The following DGKB variants were observed in gnomAD, a reference collection of about 807,000 sequenced individuals.
DGKB encodes the protein 90 kDa diacylglycerol kinase.
Under a neutral mutation model 114.3 loss-of-function variants are expected in DGKB, and 67 were observed. The observed-to-expected ratio is 0.59, with a 90% CI of 0.48 to 0.72. DGKB has a LOEUF of 0.72. Ranked by LOEUF, DGKB falls within the 30% of genes least tolerant of loss-of-function variation. The pLI, the probability that DGKB is intolerant of heterozygous loss-of-function variation, is 0.00. For synonymous variants in DGKB, 398 were observed against 323.1 expected, an observed-to-expected ratio of 1.23 and a Z score of -2.49; for missense variants, 907 against 975.2, an observed-to-expected ratio of 0.93 and a Z score of 0.93.
intron 23 of DGKB, among the ~76,000 whole-genome samples, chr7:14,320,146 G>C (rs1405592223): frequency 6.6e-6 from 1 of 152,112 alleles, no homozygotes; most frequent in Non-Finnish European, 1.5e-5. Context: ...GTCATAGGTG[G>C]GAGCTGAGGG....
chr7:14,320,574 TGTACATATATA>T (rs2128532506), intron 23 of DGKB, among the ~76,000 whole-genome samples: 1 of 151,918 alleles, frequency 6.6e-6, no homozygotes, highest in Admixed American at 6.6e-5. Flanking sequence ...TATATATATG[TGTACATATATA>T]GTACATATAT....
intron 23 of DGKB, among the ~76,000 whole-genome samples, chr7:14,325,629 G>GA (rs1808581237): frequency 6.6e-6 from 1 of 152,146 alleles, no homozygotes; most frequent in African/African-American, 2.4e-5. Context: ...AAAGCAATCA[G>GA]AACCTAATTC....
At chr7:14,312,696 T>G (rs1036348670) in intron 23 of DGKB, among the ~76,000 whole-genome samples, 39 of 152,208 alleles carry the variant, frequency 2.6e-4, no homozygotes, top group African/African-American at 9.4e-4. Flanking sequence ...TCAAAGGTAC[T>G]GATGGTAAAA....
chr7:14,225,905 A>C (rs1363202940), intron 23 of DGKB, among the ~76,000 whole-genome samples: 1 of 151,990 alleles, frequency 6.6e-6, no homozygotes, highest in Non-Finnish European at 1.5e-5. Flanking sequence ...ATTTAATTTT[A>C]TAATTAATTT....
intron 6 of DGKB, among the ~76,000 whole-genome samples, chr7:14,717,632 G>GC (rs1828424653): frequency 6.6e-6 from 1 of 151,894 alleles, no homozygotes; most frequent in African/African-American, 2.4e-5. Context: ...AACTAAAAAT[G>GC]CCCCCCAATA....
chr7:14,744,393 G>C (rs560258692), intron 4 of DGKB, among the ~76,000 whole-genome samples: 1 of 152,132 alleles, frequency 6.6e-6, no homozygotes, highest in African/African-American at 2.4e-5. Flanking sequence ...GTCAATAAAA[G>C]CCCCTTGGGA....
intron 6 of DGKB, among the ~76,000 whole-genome samples, chr7:14,703,588 G>A (rs1224415403): frequency 1.3e-5 from 2 of 152,224 alleles, no homozygotes; most frequent in African/African-American, 2.4e-5. Flanking sequence ...TCAATCAGAT[G>A]CTAGTGACCT....
chr7:14,647,679 C>T (rs1813347842), intron 13 of DGKB, among the ~76,000 whole-genome samples: 1 of 152,134 alleles, frequency 6.6e-6, no homozygotes, highest in Non-Finnish European at 1.5e-5. Context: ...GTCTACAGCT[C>T]CCAGCATGAA....
At chr7:14,738,987 G>C (rs1321017523) in intron 4 of DGKB, among the ~76,000 whole-genome samples, 1 of 152,096 alleles carries the variant, frequency 6.6e-6, no homozygotes, top group Non-Finnish European at 1.5e-5. Context: ...TAACTGATAA[G>C]GGGCAAAGAA....
intron 21 of DGKB, among the ~76,000 whole-genome samples, chr7:14,365,164 T>A (rs1399349880): frequency 6.6e-6 from 1 of 151,960 alleles, no homozygotes; most frequent in Admixed American, 6.6e-5. Flanking sequence ...AAGTACTTGA[T>A]ATTTGGAGAA....
chr7:14,811,783 AAT>A (rs568861277), intron 2 of DGKB, among the ~76,000 whole-genome samples: 5 of 151,974 alleles, frequency 3.3e-5, no homozygotes, highest in African/African-American at 1.2e-4. Context: ...ATGTAACATA[AAT>A]ATATATATGT....
In DGKB at chr7:14,274,388, C is replaced by T. The variant is rs530696341; in HGVS notation, c.2122+64127G>A. Among the ~76,000 whole-genome samples, 209 of 152,272 alleles carry T rather than the reference C, an allele frequency of 1.4e-3. 1 individual carries two copies. Among genetic ancestry groups the T allele is most frequent in the African/African-American group, 4.6e-3 (190 of 41,566 alleles). ...CTAAAATGCAGACCTCCTCAAGTCACTTTCTACTAAACTCTTCAATGAATC... is the reference window on the plus strand; with the variant it reads ...CTAAAATGCAGACCTCCTCAAGTCATTTTCTACTAAACTCTTCAATGAATC... On this transcript the variant is annotated intron_variant, in intron 23 of 25. Coordinates refer to ENST00000402815, the MANE Select transcript of DGKB (RefSeq NM_001350709.2).
intron 1 of DGKB, among the ~76,000 whole-genome samples, chr7:14,855,969 T>C (rs1168071246): frequency 6.8e-6 from 1 of 146,270 alleles, no homozygotes. Flanking sequence ...AGTGACAATA[T>C]GCTAATTTAG....
intron 13 of DGKB, among the ~76,000 whole-genome samples, chr7:14,641,674 A>G (rs1474810989): frequency 3.3e-5 from 5 of 152,134 alleles, no homozygotes; most frequent in African/African-American, 7.2e-5. Context: ...AGACTATATA[A>G]TTACATATAG....
chr7:14,909,794 T>A (rs146349362), intron 1 of DGKB, among the ~76,000 whole-genome samples: 4,337 of 152,276 alleles, frequency 0.028, 92 homozygotes, highest in Non-Finnish European at 0.045. Context: ...TTATAAAACA[T>A]TAGCACATAA....
intron 21 of DGKB, among the ~76,000 whole-genome samples, chr7:14,393,547 T>C (rs887653256): frequency 1.3e-5 from 2 of 152,074 alleles, no homozygotes; most frequent in African/African-American, 4.8e-5. Context: ...GACTGCAAAG[T>C]ATGAGAATTC....
chr7:14,893,126 A>G (rs1188363983), intron 1 of DGKB, among the ~76,000 whole-genome samples: 3 of 151,282 alleles, frequency 2.0e-5, no homozygotes, highest in African/African-American at 7.3e-5. Context: ...AAACCTTCAT[A>G]GATTAACTCT....
chr7:14,529,748 C>A (rs141333142), intron 20 of DGKB, among the ~76,000 whole-genome samples: 81 of 151,842 alleles, frequency 5.3e-4, no homozygotes, highest in African/African-American at 1.8e-3. Flanking sequence ...TCTACTTTCT[C>A]CAACAGGTCC....
intron 1 of DGKB, among the ~76,000 whole-genome samples, chr7:14,932,134 T>A (rs1014745717): frequency 4.6e-5 from 7 of 152,080 alleles, no homozygotes; most frequent in African/African-American, 1.7e-4. Context: ...CTTGGGAGGG[T>A]CAAGGTGCTC....
Sources: gnomAD v4.1 joint callset for allele counts (sites outside exome capture counted in the v4.1 genomes callset) on GRCh38, gnomAD v4.1.1 for gene constraint, MANE v1.5 for transcripts, NCBI Gene and HGNC (gene_info 2026-07-23, HGNC 2026-07-21) for gene names.